VTI1A: variants seen among roughly 807,000 people sequenced by gnomAD.
VTI1A encodes the protein vesicle transport through interaction with t-SNAREs 1A.
VTI1A carries 22 observed loss-of-function variants against 34.9 expected under a neutral mutation model. The ratio of observed to expected loss-of-function variants is 0.63; its 90% CI spans 0.45 to 0.90. The LOEUF (loss-of-function observed/expected upper bound fraction) is 0.90, where lower values mean the gene tolerates loss of function less well. Among genes scored for constraint, VTI1A ranks in the 40% least tolerant of loss-of-function variants. The pLI is 0.00. For missense variants in VTI1A, 268 were observed against 275.6 expected (o/e 0.97, Z 0.20); for synonymous variants, 87 against 97.3 (o/e 0.89, Z 0.62).
intron 7 of VTI1A, among the ~76,000 whole-genome samples, chr10:112,730,373 C>T (rs1850204868): frequency 6.6e-6 from 1 of 152,066 alleles, no homozygotes; most frequent in South Asian, 2.1e-4. Context: ...AGTTGAAGTC[C>T]CTGCCAATTG....
intron 4 of VTI1A, among the ~76,000 whole-genome samples, chr10:112,531,482 GA>G (rs11284977): frequency 0.79 from 111,360 of 140,130 alleles, 44,152 homozygotes; most frequent in Non-Finnish European, 0.84. Context: ...CCTAAGCAAA[GA>G]AAAAAAAAAA....
At chr10:112,557,600 A>T (rs936435701) in intron 5 of VTI1A, among the ~76,000 whole-genome samples, 1 of 152,222 alleles carries the variant, frequency 6.6e-6, no homozygotes, top group African/African-American at 2.4e-5. Flanking sequence ...TGAAAACAGC[A>T]TTACTGAATA....
chr10:112,674,259 C>T (rs1245425697), intron 7 of VTI1A, among the ~76,000 whole-genome samples: 1 of 152,166 alleles, frequency 6.6e-6, no homozygotes, highest in Non-Finnish European at 1.5e-5. Flanking sequence ...AACTGTTCTT[C>T]AGCTTTTAAT....
intron 3 of VTI1A, among the ~76,000 whole-genome samples, chr10:112,465,548 G>A (rs1847868068): frequency 6.6e-6 from 1 of 152,198 alleles, no homozygotes; most frequent in South Asian, 2.1e-4. Flanking sequence ...AGGAAATTCT[G>A]TCACATGCAA....
chr10:112,795,357 G>A (rs1852636799), intron 7 of VTI1A, among the ~76,000 whole-genome samples: 1 of 151,292 alleles, frequency 6.6e-6, no homozygotes, highest in Non-Finnish European at 1.5e-5. Context: ...ACTTAGGATA[G>A]TAGAAGTCAC....
At chr10:112,488,859 G>C (rs1260078881) in intron 3 of VTI1A, among the ~76,000 whole-genome samples, 1 of 152,134 alleles carries the variant, frequency 6.6e-6, no homozygotes, top group Non-Finnish European at 1.5e-5. Flanking sequence ...AGAAACTACA[G>C]TATTATATCT....
chr10:112,775,854 T>A (rs1851941950), intron 7 of VTI1A, among the ~76,000 whole-genome samples: 1 of 152,384 alleles, frequency 6.6e-6, no homozygotes, highest in East Asian at 1.9e-4. Flanking sequence ...TATCACCAGA[T>A]ACTTTTGCGA....
At chr10:112,504,733 T>C (rs1849368522) in intron 3 of VTI1A, among the ~76,000 whole-genome samples, 2 of 152,190 alleles carry the variant, frequency 1.3e-5, no homozygotes, top group Admixed American at 1.3e-4. Context: ...GATGTATTAA[T>C]TTACATGACC....
At chr10:112,526,484 T>A (rs1850228871) in intron 3 of VTI1A, among the ~76,000 whole-genome samples, 1 of 152,112 alleles carries the variant, frequency 6.6e-6, no homozygotes, top group Admixed American at 6.6e-5. Flanking sequence ...CTTAGGCCAT[T>A]ATTTATAGAG....
At chr10:112,842,250 T>C in the VTI1A span, among the ~76,000 whole-genome samples, 1 of 151,994 alleles carries the variant, frequency 6.6e-6, no homozygotes, top group Non-Finnish European at 1.5e-5. Context: ...ATTAGGGAAA[T>C]GTGGCTTACA....
intron 5 of VTI1A, among the ~76,000 whole-genome samples, chr10:112,635,900 T>G (rs946200021): frequency 6.6e-6 from 1 of 152,146 alleles, no homozygotes; most frequent in African/African-American, 2.4e-5. Context: ...CTACCCAGCA[T>G]GTAATAGGAA....
chr10:112,488,189 G>C (rs1454655056), intron 3 of VTI1A, among the ~76,000 whole-genome samples: 1 of 152,076 alleles, frequency 6.6e-6, no homozygotes, highest in African/African-American at 2.4e-5. Flanking sequence ...TTGCCTTTTA[G>C]TTTACTTTGT....
At chr10:112,761,648 A>G (rs1396509645) in intron 7 of VTI1A, among the ~76,000 whole-genome samples, 1 of 152,120 alleles carries the variant, frequency 6.6e-6, no homozygotes, top group East Asian at 1.9e-4. Context: ...TTAATCCTAT[A>G]AGCTAGAAAA....
chr10:112,709,343 A>G (rs1184377959), intron 7 of VTI1A, among the ~76,000 whole-genome samples: 7 of 152,226 alleles, frequency 4.6e-5, no homozygotes, highest in East Asian at 1.9e-4. Flanking sequence ...CTAGTTCCCT[A>G]AGAGTGTCTG....
At chr10:112,469,131 CT>C (rs1193313098) in intron 3 of VTI1A, among the ~76,000 whole-genome samples, 1 of 152,206 alleles carries the variant, frequency 6.6e-6, no homozygotes, top group East Asian at 1.9e-4. Flanking sequence ...GGTATTCTAT[CT>C]TGTTCCATTG....
At chr10:112,636,125 T>C (rs1306420577) in intron 5 of VTI1A, among the ~76,000 whole-genome samples, 1 of 152,184 alleles carries the variant, frequency 6.6e-6, no homozygotes, top group African/African-American at 2.4e-5. Flanking sequence ...CTCTGAATGC[T>C]TTGCTCACAG....
chr10:112,559,483 A>G (rs977719437), intron 5 of VTI1A, among the ~76,000 whole-genome samples: 1 of 151,936 alleles, frequency 6.6e-6, no homozygotes, highest in African/African-American at 2.4e-5. Context: ...TAGGGGGAAA[A>G]CCTGGCCTTT....
chr10:112,583,431 C>T lies in VTI1A; in HGVS notation c.427+45101C>T, dbSNP rs190786883. Among the ~76,000 whole-genome samples the T allele has an allele frequency of 3.6e-4, 55 of 152,292 alleles. 2 individuals carry two copies. The highest frequency in any genetic ancestry group is 2.2e-3 in the Admixed American group (33 of 15,294). Reference sequence around the variant, plus strand: ...TTGCATTCAGGTCTGTTGTCCTAAGCGCCTTTGTTTGTGGCTGCATTCCAT... The same window carrying T: ...TTGCATTCAGGTCTGTTGTCCTAAGTGCCTTTGTTTGTGGCTGCATTCCAT... On this transcript the variant is annotated intron_variant, in intron 5 of 7. Transcript: ENST00000393077.
intron 7 of VTI1A, among the ~76,000 whole-genome samples, chr10:112,759,616 C>CCATCTGAATTCAGGGAAT (rs1217418971): frequency 6.6e-6 from 1 of 152,176 alleles, no homozygotes; most frequent in African/African-American, 2.4e-5. Flanking sequence ...TTGCAGAGAG[C>CCATCTGAATTCAGGGAAT]CATCTGAATT....
Sources: allele counts gnomAD v4.1 joint callset (sites outside exome capture counted in the v4.1 genomes callset), GRCh38; gene constraint gnomAD v4.1.1; transcripts MANE v1.5; gene names NCBI Gene and HGNC (gene_info 2026-07-23, HGNC 2026-07-21).